MESP1: variants seen among roughly 807,000 people sequenced by gnomAD.
The protein encoded by MESP1 is mesoderm posterior protein 1.
A neutral mutation model predicts 15.2 loss-of-function variants in MESP1; 22 were observed. The observed-to-expected ratio is 1.45, with a 90% CI of 1.04 to 2.07. The LOEUF (loss-of-function observed/expected upper bound fraction) is 2.07, where lower values mean the gene tolerates loss of function less well. Ranked by LOEUF, MESP1 falls within the 30% of genes most tolerant of loss-of-function variation. The pLI, the probability that MESP1 is intolerant of heterozygous loss-of-function variation, is 0.00. For missense variants in MESP1, 484 were observed against 411.9 expected (o/e 1.17, Z -1.51); for synonymous variants, 216 against 192.6 (o/e 1.12, Z -1.01).
rs748375109 is a variant in MESP1, at chr15:89,750,178, G to A, written c.773C>T (p.Ser258Leu). ...LALLETWMPL[S>L]PLEWLPEEPK ...CTCCTCAGGCAGCCACTCCAGAGGC[G>A]AGAGGGGCATCCAGGTCTCCAACAG... is the stretch of plus-strand genomic sequence containing the variant. The change falls in exon 2 of 2, where the codon TCG becomes TTG. Residue 258 changes from serine to leucine, a missense_variant. Coordinates refer to ENST00000300057, the MANE Select transcript of MESP1 (RefSeq NM_018670.4). 1.9e-6 allele frequency: 3 copies of A among 1,614,086 alleles called. No individual in the cohort carries two copies. The highest frequency in any genetic ancestry group is 2.7e-5 in the African/African-American group (2 of 75,062).
the MESP1 span, among the ~76,000 whole-genome samples, chr15:89,733,407 T>C: frequency 6.6e-6 from 1 of 152,216 alleles, no homozygotes; most frequent in South Asian, 2.1e-4. Context: ...AATTGTATGA[T>C]AGCACAGATG....
the MESP1 span, among the ~76,000 whole-genome samples, chr15:89,738,403 G>A: frequency 3.3e-5 from 5 of 152,162 alleles, no homozygotes; most frequent in Non-Finnish European, 7.3e-5. Flanking sequence ...GAGGCAGGCG[G>A]ATCACCTGAG....
chr15:89,735,032 CCTTT>C, the MESP1 span, among the ~76,000 whole-genome samples: 57 of 149,726 alleles, frequency 3.8e-4, no homozygotes, highest in Non-Finnish European at 7.4e-4. Context: ...ATCCTTCTTT[CCTTT>C]CTTTCTTTCT....
the MESP1 span, among the ~76,000 whole-genome samples, chr15:89,738,491 G>A: frequency 0.025 from 3,843 of 152,076 alleles, 150 homozygotes; most frequent in African/African-American, 0.085. Context: ...GCTGGGTGTG[G>A]TGGTACATGC....
At chr15:89,742,252 A>G in the MESP1 span, among the ~76,000 whole-genome samples, 1 of 152,068 alleles carries the variant, frequency 6.6e-6, no homozygotes, top group Non-Finnish European at 1.5e-5. Flanking sequence ...AAAATTAATT[A>G]ATTAAATTAA....
downstream of MESP1, among the ~76,000 whole-genome samples, chr15:89,746,630 CAG>C (rs374453258): frequency 1.7e-4 from 25 of 147,928 alleles, no homozygotes; most frequent in Admixed American, 1.3e-4. Context: ...CCTCCACACA[CAG>C]AGACACACAC....
the MESP1 span, among the ~76,000 whole-genome samples, chr15:89,741,159 G>C: frequency 6.6e-6 from 1 of 152,102 alleles, no homozygotes; most frequent in South Asian, 2.1e-4. Context: ...AAATAAATAA[G>C]TGTTAAATAT....
At position 89,750,936 on chromosome 15, in the gene MESP1, G is replaced by T; in HGVS notation, c.296C>A (p.Ala99Asp). 6.9e-7 allele frequency: 1 copy of T among 1,456,162 alleles called. No homozygotes were observed. Among genetic ancestry groups the T allele is most frequent in the Non-Finnish European group, 9.0e-7 (1 of 1,108,034 alleles). The allele number at this position is 1,456,162 out of a possible 1,614,324, so 90.2% of individuals were successfully genotyped here. A position where few individuals can be genotyped will look rare whatever the true frequency, so the allele number is the denominator to read the frequency against. Residue 99 changes from alanine to aspartate, a missense_variant, in exon 1 of 2, where the codon GCC (alanine) becomes GAC (aspartate). Coordinates refer to ENST00000300057, the MANE Select transcript of MESP1 (RefSeq NM_018670.4). ...GCGGCGCAGCTCGTGCAGGGCGCGG[G>T]CCAGCGTGCGCATGCGCAGTTTCTC... ...EREKLRMRTL[A>D]RALHELRRFL... is the part of the protein sequence containing the mutation.
chr15:89,750,900 G>T lies in MESP1; in HGVS notation c.332C>A (p.Pro111Gln), dbSNP rs569895127. The T allele has an allele frequency of 1.0e-5, 15 of 1,491,422 alleles. No individual in the cohort carries two copies. In the African/African-American group the frequency reaches 1.7e-4, roughly 17 times the overall value. 92.4% of individuals were successfully genotyped at this position (1,491,422 alleles called of 1,614,324 possible). A position where few individuals can be genotyped will look rare whatever the true frequency, so the allele number is the denominator to read the frequency against. Residue 111 changes from proline (P) to glutamine (Q), a missense_variant, in exon 1 of 2, where the codon CCG becomes CAG. Pro to Gln is a moderately conservative substitution (Grantham distance 76). Transcript: ENST00000300057. ...GCTCTGGCCCGCGGGCGCCACGGACGGCGGTAGAAAGCGGCGCAGCTCGTG... is the reference window on the plus strand; with the variant it reads ...GCTCTGGCCCGCGGGCGCCACGGACTGCGGTAGAAAGCGGCGCAGCTCGTG... ...ALHELRRFLP[P>Q]SVAPAGQSLT...
the MESP1 span, among the ~76,000 whole-genome samples, chr15:89,744,112 G>A: frequency 6.6e-6 from 1 of 152,362 alleles, no homozygotes; most frequent in African/African-American, 2.4e-5. Context: ...AACCTTGGAG[G>A]CTGAGGGGGC....
At chr15:89,746,486 C>A (rs111208019), downstream of MESP1, among the ~76,000 whole-genome samples, 2,415 of 149,910 alleles carry the variant, frequency 0.016, 86 homozygotes, top group African/African-American at 0.058. Flanking sequence ...CCTGCCTCTA[C>A]ACACACAGCC....
Position 89,750,223 on chromosome 15 carries a change from AGGAGCTGTAG to A in MESP1, c.724-6_727del. 6.2e-7 allele frequency: 1 copy of A among 1,613,958 alleles called. No individual in the cohort carries two copies. The highest frequency in any genetic ancestry group is 8.5e-7 in the Non-Finnish European group (1 of 1,179,948). On this transcript the variant is annotated splice_acceptor_variant and splice_polypyrimidine_tract_variant and coding_sequence_variant and intron_variant, in exon 2 of 2. Coordinates refer to ENST00000300057, the MANE Select transcript of MESP1 (RefSeq NM_018670.4). LOFTEE classifies it high-confidence loss of function. ...CAACAGAGCCAGCACGTCGCCCGGA[AGGAGCTGTAG>A]GGAGAGACGGAACAGCGCAGCCCTC...
rs777849200 is a variant in MESP1, at chr15:89,751,181, C to G, written c.51G>C (p.Ala17=). 4.7e-6 allele frequency: 6 copies of G among 1,269,830 alleles called. No homozygotes were observed. The highest frequency in any genetic ancestry group is 3.7e-5 in the Admixed American group (1 of 26,690). The allele number at this position is 1,269,830 out of a possible 1,614,324, so 78.7% of individuals were successfully genotyped here. A position where few individuals can be genotyped will look rare whatever the true frequency, so the allele number is the denominator to read the frequency against. ...GCGGCCGCCGAGTTGGGCCCCAGGCCGCAGAGAGCATCCAGGACTCGGAGA... is the reference window on the plus strand; with the variant it reads ...GCGGCCGCCGAGTTGGGCCCCAGGCGGCAGAGAGCATCCAGGACTCGGAGA... ...PPLSESWMLS[A]AWGPTRRPPP... is the part of the protein sequence containing the mutation. Residue 17 remains alanine (A), a synonymous_variant, in exon 1 of 2, where the codon GCG becomes GCC. Coordinates refer to ENST00000300057, the MANE Select transcript of MESP1 (RefSeq NM_018670.4).
rs763820978 is a variant in MESP1, at chr15:89,751,036, C to T, written c.196G>A (p.Ala66Thr). 5 of 1,300,826 alleles carry T rather than the reference C, an allele frequency of 3.8e-6. No individual in the cohort carries two copies. Among genetic ancestry groups the T allele is most frequent in the African/African-American group, 3.2e-5 (2 of 62,908 alleles). The allele number at this position is 1,300,826 out of a possible 1,614,324, so 80.6% of individuals were successfully genotyped here. The change falls in exon 1 of 2, where the codon GCC becomes ACC. Residue 66 changes from alanine (A) to threonine (T), a missense_variant. By Grantham distance (58) the Ala-to-Thr change is moderately conservative. Coordinates refer to ENST00000300057, the MANE Select transcript of MESP1 (RefSeq NM_018670.4). ...GCGCCGCGCCTACCTACGGAGGGGG[C>T]GCGGGGGTCCCGGAGGGTGCCTGGC... ...ARPGTLRDPR[A>T]PSVGRRGARS... is the part of the protein sequence containing the mutation.
chr15:89,746,503 C>CCA (rs1170473781), downstream of MESP1, among the ~76,000 whole-genome samples: 6 of 147,790 alleles, frequency 4.1e-5, no homozygotes, highest in East Asian at 1.2e-3. Flanking sequence ...AGCCCCGCCT[C>CCA]CACACACACA....
the MESP1 span, among the ~76,000 whole-genome samples, chr15:89,740,007 C>T: frequency 0.021 from 3,209 of 152,284 alleles, 121 homozygotes; most frequent in African/African-American, 0.074. Flanking sequence ...GCGAGTTACT[C>T]AGCCTCCTCA....
downstream of MESP1, among the ~76,000 whole-genome samples, chr15:89,746,910 C>T (rs1173986789): frequency 2.1e-5 from 3 of 140,792 alleles, no homozygotes; most frequent in African/African-American, 8.3e-5. Flanking sequence ...CACACAGCCC[C>T]GCCTCCACAC....
At chr15:89,744,952 AC>A (rs1337661936), downstream of MESP1, among the ~76,000 whole-genome samples, 4 of 152,168 alleles carry the variant, frequency 2.6e-5, no homozygotes, top group Non-Finnish European at 5.9e-5. Context: ...TCTTTCCTGA[AC>A]CACTCACTGT....
chr15:89,735,794 A>G, the MESP1 span, among the ~76,000 whole-genome samples: 1 of 152,310 alleles, frequency 6.6e-6, no homozygotes, highest in Admixed American at 6.5e-5. Flanking sequence ...TGTGATAGGG[A>G]TTTTTTAATG....
Sources: gnomAD v4.1 joint callset for allele counts (sites outside exome capture counted in the v4.1 genomes callset) on GRCh38, gnomAD v4.1.1 for gene constraint, MANE v1.5 for transcripts, NCBI Gene and HGNC (gene_info 2026-07-23, HGNC 2026-07-21) for gene names.